The following AGTPBP1 variants were observed in gnomAD, a reference collection of about 807,000 sequenced individuals.
AGTPBP1 encodes ATP/GTP binding carboxypeptidase 1.
Under a neutral mutation model 143.9 loss-of-function variants are expected in AGTPBP1, and 70 were observed. That is an observed-to-expected ratio of 0.49 (90% CI 0.40 to 0.59). The LOEUF is 0.59. Among genes scored for constraint, AGTPBP1 ranks in the 20% least tolerant of loss-of-function variants. The pLI, the probability that AGTPBP1 is intolerant of heterozygous loss-of-function variation, is 0.00. For synonymous variants in AGTPBP1, 463 were observed against 500.2 expected (o/e 0.93, Z 0.99); for missense variants, 1,229 against 1,464.5 (o/e 0.84, Z 2.62).
At chr9:85,728,949 A>C (rs904686722) in intron 1 of AGTPBP1, among the ~76,000 whole-genome samples, 1 of 152,200 alleles carries the variant, frequency 6.6e-6, no homozygotes, top group African/African-American at 2.4e-5. Context: ...CATCACTTTT[A>C]ATGTTAATTG....
intron 25 of AGTPBP1, among the ~76,000 whole-genome samples, chr9:85,568,487 G>A (rs1462408930): frequency 6.6e-6 from 1 of 152,166 alleles, no homozygotes; most frequent in African/African-American, 2.4e-5. Context: ...AAAGAGGAGA[G>A]GAAGGTGTAG....
the AGTPBP1 span, among the ~76,000 whole-genome samples, chr9:85,789,164 T>C: frequency 6.6e-6 from 1 of 152,082 alleles, no homozygotes; most frequent in South Asian, 2.1e-4. Flanking sequence ...TAAACATATA[T>C]CCTTTATATA....
chr9:85,644,923 A>C (rs1832721746), intron 12 of AGTPBP1, among the ~76,000 whole-genome samples: 1 of 152,154 alleles, frequency 6.6e-6, no homozygotes, highest in South Asian at 2.1e-4. Context: ...GCAGTAGGAA[A>C]GAAAAAGAAG....
chr9:85,547,462 T>C (rs1179430307), intron 25 of AGTPBP1, among the ~76,000 whole-genome samples, 176 bp from the exon 26 acceptor site: 2 of 152,216 alleles, frequency 1.3e-5, no homozygotes, highest in Non-Finnish European at 2.9e-5. Flanking sequence ...GTTCCTTGTA[T>C]TGACAATAAG....
At chr9:85,771,335 G>A in the AGTPBP1 span, among the ~76,000 whole-genome samples, 1 of 152,156 alleles carries the variant, frequency 6.6e-6, no homozygotes, top group Admixed American at 6.5e-5. Flanking sequence ...AATTAGCCGG[G>A]TGTGGTAGCA....
At position 85,547,197 on chromosome 9, in the gene AGTPBP1, T is replaced by C; in HGVS notation, c.3593A>G (p.Glu1198Gly). ...SAESNDELDI[E>G]LAENVGDYEP... ...ATAATCTCCTACATTTTCAGCCAAC[T>C]CAATATCTAACTCATCATTACTTTC... is the stretch of plus-strand genomic sequence containing the variant. The change falls in exon 26 of 26, where the codon GAG (glutamate) becomes GGG (glycine). Residue 1198 changes from glutamate to glycine, a missense_variant. Glu to Gly is a moderately conservative substitution (Grantham distance 98). Coordinates refer to ENST00000357081, the MANE Select transcript of AGTPBP1 (RefSeq NM_001330701.2). 1 of 1,613,884 alleles carries C rather than the reference T, an allele frequency of 6.2e-7. No homozygotes were observed. Among genetic ancestry groups the C allele is most frequent in the Non-Finnish European group, 8.5e-7 (1 of 1,179,898 alleles).
intron 22 of AGTPBP1, among the ~76,000 whole-genome samples, chr9:85,585,911 T>C (rs1828570916): frequency 1.3e-5 from 2 of 152,188 alleles, no homozygotes; most frequent in South Asian, 2.1e-4. Context: ...CAAATGGTTG[T>C]AAAAACATTT....
intron 25 of AGTPBP1, among the ~76,000 whole-genome samples, chr9:85,549,924 T>C (rs1282540014): frequency 1.3e-5 from 2 of 152,210 alleles, no homozygotes; most frequent in Admixed American, 6.5e-5. Context: ...ATGGAGCTGG[T>C]CCACTCCTCT....
intron 25 of AGTPBP1, among the ~76,000 whole-genome samples, chr9:85,551,772 C>A (rs1826051821): frequency 6.6e-6 from 1 of 152,132 alleles, no homozygotes; most frequent in African/African-American, 2.4e-5. Flanking sequence ...GACATTATTT[C>A]CTATGATTCT....
At chr9:85,548,847 A>G (rs1227545839) in intron 25 of AGTPBP1, among the ~76,000 whole-genome samples, 1 of 151,666 alleles carries the variant, frequency 6.6e-6, no homozygotes, top group African/African-American at 2.4e-5. Flanking sequence ...GCTAATTTTT[A>G]TATTTTTAGT....
the AGTPBP1 span, among the ~76,000 whole-genome samples, chr9:85,783,153 A>G: frequency 6.6e-6 from 1 of 152,228 alleles, no homozygotes; most frequent in South Asian, 2.1e-4. Context: ...AAACACACAC[A>G]CAAATCTAAA....
intron 17 of AGTPBP1, among the ~76,000 whole-genome samples, chr9:85,601,044 T>C (rs1291517596): frequency 1.3e-5 from 2 of 152,174 alleles, no homozygotes; most frequent in East Asian, 3.9e-4. Context: ...ATTGCCCTTA[T>C]TGCCCTTGGC....
chr9:85,625,570 T>C (rs1831218227), intron 14 of AGTPBP1, among the ~76,000 whole-genome samples: 1 of 152,166 alleles, frequency 6.6e-6, no homozygotes, highest in Non-Finnish European at 1.5e-5. Context: ...GTGTAATTTA[T>C]AATAAAACGT....
At chr9:85,698,066 C>T (rs890340864) in intron 2 of AGTPBP1, among the ~76,000 whole-genome samples, 2 of 151,842 alleles carry the variant, frequency 1.3e-5, no homozygotes, top group African/African-American at 2.4e-5. Flanking sequence ...TTTTGTTTTT[C>T]GTTATTTTTC....
intron 4 of AGTPBP1, among the ~76,000 whole-genome samples, chr9:85,679,354 A>G (rs948937346): frequency 6.6e-6 from 1 of 151,914 alleles, no homozygotes; most frequent in Admixed American, 6.6e-5. Flanking sequence ...TAGCCTTTAC[A>G]TGGTTTTTGA....
chr9:85,606,222 A>G (rs1464802870), intron 17 of AGTPBP1, among the ~76,000 whole-genome samples: 1 of 152,038 alleles, frequency 6.6e-6, no homozygotes, highest in Admixed American at 6.6e-5. Context: ...AATCATAATA[A>G]TCTCATTAAA....
At chr9:85,672,881 C>A (rs1239949087) in intron 6 of AGTPBP1, among the ~76,000 whole-genome samples, 200 bp from the exon 7 acceptor site, 1 of 151,796 alleles carries the variant, frequency 6.6e-6, no homozygotes. Flanking sequence ...ATTACAGGCA[C>A]CCACCACCAC....
chr9:85,634,954 T>TA lies in AGTPBP1; in HGVS notation c.1303-1581dup, dbSNP rs201070002. On this transcript the variant is annotated intron_variant, in intron 13 of 25. Transcript: ENST00000357081. ...GCCAACATTCGATACTATGGTTTTT[T>TA]AAAAAAAAATTTCTAATGTGGTAGA... is the stretch of plus-strand genomic sequence containing the variant. Among the ~76,000 whole-genome samples, 866 of 151,928 alleles carry TA rather than the reference T, an allele frequency of 5.7e-3. 9 individuals carry two copies. Among genetic ancestry groups the TA allele is most frequent in the African/African-American group, 0.018 (760 of 41,482 alleles).
At chr9:85,596,875 C>T (rs1280073798) in intron 17 of AGTPBP1, among the ~76,000 whole-genome samples, 3 of 152,094 alleles carry the variant, frequency 2.0e-5, no homozygotes, top group Non-Finnish European at 4.4e-5. Context: ...TCCTCCCCAC[C>T]GTTCTCCATA....
Sources: gnomAD v4.1 joint callset for allele counts (sites outside exome capture counted in the v4.1 genomes callset) on GRCh38, gnomAD v4.1.1 for gene constraint, MANE v1.5 for transcripts, NCBI Gene and HGNC (gene_info 2026-07-23, HGNC 2026-07-21) for gene names.